The following PIP5K1B variants were observed in gnomAD, a reference collection of about 807,000 sequenced individuals.
PIP5K1B encodes phosphatidylinositol-4-phosphate 5-kinase type 1 beta, also known as phosphatidylinositol 4-phosphate 5-kinase type-1 beta.
PIP5K1B carries 42 observed loss-of-function variants against 67.0 expected under a neutral mutation model. That is an observed-to-expected ratio of 0.63 (90% CI 0.49 to 0.81). The LOEUF is 0.81. Among genes scored for constraint, PIP5K1B ranks in the 30% least tolerant of loss-of-function variants. PIP5K1B has a pLI of 0.00. For synonymous variants in PIP5K1B, 214 were observed against 231.4 expected, an observed-to-expected ratio of 0.92 and a Z score of 0.68; for missense variants, 459 against 646.3, an observed-to-expected ratio of 0.71 and a Z score of 3.14.
intron 1 of PIP5K1B, among the ~76,000 whole-genome samples, chr9:68,710,671 G>A (rs1827345522): frequency 6.6e-6 from 1 of 152,202 alleles, no homozygotes; most frequent in Non-Finnish European, 1.5e-5. Flanking sequence ...ATTGGGACAA[G>A]GTTGCATGTT....
At chr9:68,736,676 G>A (rs1311446503) in intron 1 of PIP5K1B, among the ~76,000 whole-genome samples, 1 of 152,144 alleles carries the variant, frequency 6.6e-6, no homozygotes, top group African/African-American at 2.4e-5. Context: ...CATCTTTAAA[G>A]CCAGCAGCAT....
At chr9:68,796,241 T>C (rs1832286848) in intron 2 of PIP5K1B, among the ~76,000 whole-genome samples, 1 of 152,248 alleles carries the variant, frequency 6.6e-6, no homozygotes, top group Non-Finnish European at 1.5e-5. Flanking sequence ...ATTTTTTTGA[T>C]AGTTGCATGT....
intron 6 of PIP5K1B, 144 bp from the exon 7 acceptor site, chr9:68,888,837 C>T (rs1564208123): frequency 9.4e-6 from 5 of 534,484 alleles, no homozygotes; most frequent in Non-Finnish European, 1.7e-5. Context: ...AGAGCCTTCT[C>T]GGTATACGTG....
intron 8 of PIP5K1B, among the ~76,000 whole-genome samples, chr9:68,911,436 G>C (rs1487402502): frequency 1.3e-5 from 2 of 151,614 alleles, no homozygotes; most frequent in African/African-American, 4.8e-5. Context: ...TAGAGAGAAG[G>C]AACGTTTTGA....
At chr9:68,917,912 A>G (rs1336406842) in intron 9 of PIP5K1B, among the ~76,000 whole-genome samples, 153 bp downstream of exon 9, 1 of 152,132 alleles carries the variant, frequency 6.6e-6, no homozygotes, top group Non-Finnish European at 1.5e-5. Flanking sequence ...ATTTCTATTC[A>G]TCTAAAGATA....
chr9:68,926,784 C>G (rs1437539693), intron 12 of PIP5K1B, among the ~76,000 whole-genome samples: 1 of 152,056 alleles, frequency 6.6e-6, no homozygotes, highest in Non-Finnish European at 1.5e-5. Context: ...GTTGGCCAGG[C>G]TGGTCTTGAA....
intron 4 of PIP5K1B, among the ~76,000 whole-genome samples, chr9:68,833,823 G>A (rs762408010): frequency 5.3e-5 from 8 of 152,238 alleles, no homozygotes; most frequent in Non-Finnish European, 8.8e-5. Flanking sequence ...GTGACCATCT[G>A]TTGAGACAGA....
At chr9:68,918,130 C>T in intron 9 of PIP5K1B, among the ~76,000 whole-genome samples, 1 of 148,760 alleles carries the variant, frequency 6.7e-6, no homozygotes. Context: ...CACTCTGTCA[C>T]CCAGGCTAGA....
chr9:68,922,505 A>T (rs1375496748), intron 11 of PIP5K1B, among the ~76,000 whole-genome samples: 1 of 150,714 alleles, frequency 6.6e-6, no homozygotes, highest in Non-Finnish European at 1.5e-5. Context: ...GCCTGAATTC[A>T]AAATGAAGCA....
intron 4 of PIP5K1B, among the ~76,000 whole-genome samples, chr9:68,858,134 C>T (rs1261059232): frequency 2.6e-5 from 4 of 152,028 alleles, no homozygotes; most frequent in African/African-American, 4.8e-5. Flanking sequence ...CCACCATGCC[C>T]GGCTAATTTT....
chr9:68,955,057 A>G (rs916139028), intron 14 of PIP5K1B, among the ~76,000 whole-genome samples: 2 of 152,244 alleles, frequency 1.3e-5, no homozygotes, highest in Non-Finnish European at 2.9e-5. Context: ...ACACAAAGTG[A>G]GTTAGGCAGA....
intron 14 of PIP5K1B, among the ~76,000 whole-genome samples, chr9:68,954,278 C>T (rs530039314): frequency 2.0e-4 from 30 of 152,254 alleles, no homozygotes; most frequent in African/African-American, 7.2e-4. Flanking sequence ...CTTCTCCCCT[C>T]TTTATAGGTT....
At chr9:68,809,881 CCTG>C (rs1833068170) in intron 2 of PIP5K1B, among the ~76,000 whole-genome samples, 1 of 152,224 alleles carries the variant, frequency 6.6e-6, no homozygotes, top group Admixed American at 6.5e-5. Context: ...GCCTGTCTCT[CCTG>C]CTAATAGGAT....
Position 68,778,720 on chromosome 9 carries a change from G to A in PIP5K1B, c.-86+36063G>A, listed in dbSNP as rs74412569. 3.2e-3 allele frequency among the ~76,000 whole-genome samples: 492 copies of A among 152,244 alleles called. 11 individuals are homozygous for A. The highest frequency in any genetic ancestry group is 0.019 in the Admixed American group (289 of 15,294). On this transcript the variant is annotated intron_variant, in intron 2 of 15. Coordinates refer to ENST00000265382, the MANE Select transcript of PIP5K1B (RefSeq NM_003558.4). ...TTAAAACATAAACCAGATAATATCA[G>A]TCCCCTGCTTAAAACCCTCCAGTGG...
At chr9:68,802,234 A>T (rs1244886334) in intron 2 of PIP5K1B, among the ~76,000 whole-genome samples, 1 of 152,214 alleles carries the variant, frequency 6.6e-6, no homozygotes, top group Non-Finnish European at 1.5e-5. Context: ...TGATGCTTGA[A>T]CATTCCTTGA....
intron 2 of PIP5K1B, among the ~76,000 whole-genome samples, chr9:68,797,009 T>C (rs1488499485): frequency 6.6e-6 from 1 of 152,208 alleles, no homozygotes; most frequent in African/African-American, 2.4e-5. Context: ...GGTTATAAAA[T>C]ATGGTGACCA....
chr9:68,901,942 G>A (rs1330162711), intron 8 of PIP5K1B, among the ~76,000 whole-genome samples: 3 of 152,186 alleles, frequency 2.0e-5, no homozygotes, highest in East Asian at 3.8e-4. Flanking sequence ...TGTATTTTGA[G>A]ATAATAGATT....
At chr9:68,815,438 T>G (rs1332652073) in intron 2 of PIP5K1B, among the ~76,000 whole-genome samples, 2 of 151,916 alleles carry the variant, frequency 1.3e-5, no homozygotes, top group Admixed American at 6.6e-5. Flanking sequence ...ATATAAAGAA[T>G]GTACATATAC....
chr9:68,938,284 G>A (rs1293933332), intron 13 of PIP5K1B, among the ~76,000 whole-genome samples: 1 of 152,196 alleles, frequency 6.6e-6, no homozygotes, highest in Non-Finnish European at 1.5e-5. Flanking sequence ...GGGTTCTCCT[G>A]TATTGGGTGC....
Sources: gnomAD v4.1 joint callset for allele counts (sites outside exome capture counted in the v4.1 genomes callset) on GRCh38, gnomAD v4.1.1 for gene constraint, MANE v1.5 for transcripts, NCBI Gene and HGNC (gene_info 2026-07-23, HGNC 2026-07-21) for gene names.